Variants in KCNK13 observed in about 807,000 individuals in gnomAD.
The protein encoded by KCNK13 is potassium two pore domain channel subfamily K member 13.
A neutral mutation model predicts 23.4 loss-of-function variants in KCNK13; 12 were observed. The observed-to-expected ratio is 0.51, with a 90% CI of 0.33 to 0.83. The LOEUF (loss-of-function observed/expected upper bound fraction) is 0.83. Ranked by LOEUF, KCNK13 falls within the 40% of genes least tolerant of loss-of-function variation. KCNK13 has a pLI of 0.02. For synonymous variants in KCNK13, 231 were observed against 229.5 expected (o/e 1.01, Z -0.06); for missense variants, 463 against 556.3 (o/e 0.83, Z 1.69).
At chr14:90,138,375 A>G (rs1163361570) in intron 1 of KCNK13, among the ~76,000 whole-genome samples, 1 of 152,204 alleles carries the variant, frequency 6.6e-6, no homozygotes, top group Non-Finnish European at 1.5e-5. Context: ...TAATGGGATC[A>G]TATTACTTAC....
At chr14:90,171,961 A>G (rs1240846189) in intron 1 of KCNK13, among the ~76,000 whole-genome samples, 2 of 152,312 alleles carry the variant, frequency 1.3e-5, no homozygotes, top group South Asian at 4.1e-4. Flanking sequence ...GTCTACTGGC[A>G]TCATTCTGTC....
rs147446510 is a variant in KCNK13, at chr14:90,184,776, G to C, written c.1000G>C (p.Glu334Gln). The change falls in exon 2 of 2, where the codon GAG becomes CAG. Residue 334 changes from glutamate (E) to glutamine (Q), a missense_variant. Coordinates refer to ENST00000282146, the MANE Select transcript of KCNK13 (RefSeq NM_022054.4). The surrounding 1 kb of genome is among the most constrained non-coding windows in gnomAD (Gnocchi z 5.6). The stretch of plus-strand genomic sequence containing the variant: ...CTCCATAGAGACAGACGGGGTGGCA[G>C]AGAGTGACACGGACGGGCGCCGGCT... Reference protein sequence around the residue: ...NISIETDGVAESDTDGRRLSG... With the variant: ...NISIETDGVAQSDTDGRRLSG... The C allele has an allele frequency of 3.0e-4, 486 of 1,613,314 alleles. No homozygotes were observed. Among genetic ancestry groups the C allele is most frequent in the Non-Finnish European group, 3.7e-4 (439 of 1,179,434 alleles).
chr14:90,152,603 C>G (rs532124602), intron 1 of KCNK13, among the ~76,000 whole-genome samples: 1 of 152,176 alleles, frequency 6.6e-6, no homozygotes, highest in South Asian at 2.1e-4. Context: ...GCCTCTCCAG[C>G]CATGTGGAAC....
chr14:90,184,540 G>T lies in KCNK13; in HGVS notation c.764G>T (p.Gly255Val), dbSNP rs780792749. The stretch of plus-strand genomic sequence containing the variant: ...CAGAACGCCCACTATGAGAGCCAAG[G>T]CCTCTATCGCTTTGCCAACTTCGTC... ...SSQNAHYESQGLYRFANFVFI... is the reference protein window; with the variant it reads ...SSQNAHYESQVLYRFANFVFI... Residue 255 changes from glycine (G) to valine (V), a missense_variant, in exon 2 of 2, where the codon GGC becomes GTC. This residue lies in a region of KCNK13 where 144 missense variants were observed against 224.0 expected (regional missense o/e 0.64). Coordinates refer to ENST00000282146, the MANE Select transcript of KCNK13 (RefSeq NM_022054.4). This position sits in a 1 kb window ranked among gnomAD's most constrained non-coding sequence, Gnocchi z 5.6. 4 of 1,614,250 alleles carry T rather than the reference G, an allele frequency of 2.5e-6. No homozygotes were observed. Among genetic ancestry groups the T allele is most frequent in the Non-Finnish European group, 2.5e-6 (3 of 1,180,052 alleles).
intron 1 of KCNK13, among the ~76,000 whole-genome samples, chr14:90,147,747 A>T (rs998470310): frequency 4.6e-5 from 7 of 152,144 alleles, no homozygotes; most frequent in African/African-American, 1.7e-4. Flanking sequence ...TATACCTGTG[A>T]TTTAATTAAT....
At chr14:90,111,142 T>G (rs1889611361) in intron 1 of KCNK13, among the ~76,000 whole-genome samples, 1 of 152,182 alleles carries the variant, frequency 6.6e-6, no homozygotes, top group South Asian at 2.1e-4. Context: ...GAACTCCAAC[T>G]TCATTTCTAG....
At chr14:90,078,682 A>C (rs568075253) in intron 1 of KCNK13, among the ~76,000 whole-genome samples, 12 of 152,156 alleles carry the variant, frequency 7.9e-5, no homozygotes, top group Non-Finnish European at 1.6e-4. Context: ...AGAACTCAGC[A>C]AAGGGTGAGT....
At chr14:90,090,742 T>C (rs1889335270) in intron 1 of KCNK13, among the ~76,000 whole-genome samples, 1 of 151,992 alleles carries the variant, frequency 6.6e-6, no homozygotes, top group South Asian at 2.1e-4. Context: ...TGGAGGTGGG[T>C]TTTCCCATGC....
chr14:90,101,865 C>T (rs984934625), intron 1 of KCNK13, among the ~76,000 whole-genome samples: 1 of 148,920 alleles, frequency 6.7e-6, no homozygotes. Context: ...ACCACCTGTT[C>T]CCCCGAAAAC....
Position 90,083,594 on chromosome 14 carries a change from A to G in KCNK13, c.334+21055A>G, listed in dbSNP as rs146927635. Among the ~76,000 whole-genome samples the G allele has an allele frequency of 3.2e-3, 489 of 152,256 alleles. 5 individuals are homozygous for G. Among genetic ancestry groups the G allele is most frequent in the African/African-American group, 0.011 (466 of 41,554 alleles). ...TGAGGGCTCTGCCCACTTGGATGGG[A>G]TTAATTGTGTTATAAAAGGGCATGT... On this transcript the variant is annotated intron_variant, in intron 1 of 1. Transcript: ENST00000282146.
intron 1 of KCNK13, among the ~76,000 whole-genome samples, chr14:90,080,871 T>G (rs1436030362): frequency 6.6e-6 from 1 of 152,170 alleles, no homozygotes; most frequent in African/African-American, 2.4e-5. Flanking sequence ...AACTGGCATT[T>G]TGGACCAGAG....
At chr14:90,109,050 G>C (rs979374832) in intron 1 of KCNK13, among the ~76,000 whole-genome samples, 1 of 151,918 alleles carries the variant, frequency 6.6e-6, no homozygotes, top group East Asian at 2.0e-4. Flanking sequence ...GGTGGCAGGC[G>C]CCTGTAGTCC....
chr14:90,140,770 A>T (rs78143019), intron 1 of KCNK13, among the ~76,000 whole-genome samples: 13,292 of 152,222 alleles, frequency 0.087, 975 homozygotes, highest in Admixed American at 0.24. Context: ...TTCCTTGATG[A>T]GAAATAAATC....
intron 1 of KCNK13, among the ~76,000 whole-genome samples, chr14:90,125,123 A>G (rs2140419179): frequency 6.6e-6 from 1 of 152,342 alleles, no homozygotes; most frequent in South Asian, 2.1e-4. Context: ...ATGATCATTT[A>G]GGAAGGATAG....
intron 1 of KCNK13, among the ~76,000 whole-genome samples, chr14:90,179,260 G>A (rs1023025007): frequency 1.3e-5 from 2 of 151,834 alleles, no homozygotes; most frequent in Non-Finnish European, 2.9e-5. Flanking sequence ...GAAAATAGGA[G>A]TTTATTATAC....
chr14:90,106,083 G>A (rs1889540255), intron 1 of KCNK13, among the ~76,000 whole-genome samples: 1 of 152,130 alleles, frequency 6.6e-6, no homozygotes, highest in South Asian at 2.1e-4. Context: ...GGGTTTCAAG[G>A]CCTTTGAAAA....
intron 1 of KCNK13, among the ~76,000 whole-genome samples, chr14:90,110,719 A>G (rs1251469612): frequency 6.6e-6 from 1 of 151,896 alleles, no homozygotes; most frequent in African/African-American, 2.4e-5. Flanking sequence ...CCAGATATGC[A>G]TATCCCTGGC....
rs555972328 is a variant in KCNK13 at position 90,143,499 on chromosome 14, G to A, written c.335-40612G>A. ...CACGTATGTGTGGGTTTATTTCTAG[G>A]CTCTCTATTGCGTTCCACTGATGTA... On this transcript the variant is annotated intron_variant, in intron 1 of 1. Transcript: ENST00000282146. 3.3e-5 allele frequency among the ~76,000 whole-genome samples: 5 copies of A among 151,966 alleles called. No homozygotes were observed. In the South Asian group the frequency reaches 1.0e-3, roughly 32 times the overall value.
intron 1 of KCNK13, among the ~76,000 whole-genome samples, chr14:90,181,164 T>A (rs1890481094): frequency 6.6e-6 from 1 of 152,210 alleles, no homozygotes; most frequent in Non-Finnish European, 1.5e-5. Context: ...CCACTGTGGC[T>A]TGTTTTGTAG....
Sources: allele counts gnomAD v4.1 joint callset (sites outside exome capture counted in the v4.1 genomes callset), GRCh38; gene constraint gnomAD v4.1.1; regional missense constraint gnomAD v4.1.1; non-coding constraint Gnocchi (gnomAD v3.1); transcripts MANE v1.5; gene names NCBI Gene and HGNC (gene_info 2026-07-23, HGNC 2026-07-21).